The following RALGAPA2 variants were observed in gnomAD, a reference collection of about 807,000 sequenced individuals.
The protein encoded by RALGAPA2 is Ral GTPase activating protein catalytic subunit alpha 2.
Under a neutral mutation model 230.4 loss-of-function variants are expected in RALGAPA2, and 139 were observed. That is an observed-to-expected ratio of 0.60 (90% confidence interval 0.53 to 0.69). RALGAPA2 has a LOEUF of 0.69. Ranked by LOEUF, RALGAPA2 falls within the 30% of genes least tolerant of loss-of-function variation. The pLI is 0.00. For missense variants in RALGAPA2, 2,163 were observed against 2,276.0 expected (o/e 0.95, Z 1.01); for synonymous variants, 847 against 837.8 (o/e 1.01, Z -0.19).
intron 23 of RALGAPA2, among the ~76,000 whole-genome samples, chr20:20,551,004 C>T (rs979791803): frequency 2.6e-5 from 4 of 152,204 alleles, no homozygotes; most frequent in East Asian, 3.9e-4. Flanking sequence ...TTAGATCGCA[C>T]ATTACCCCAG....
At chr20:20,478,058 A>G (rs2061690436) in intron 36 of RALGAPA2, among the ~76,000 whole-genome samples, 2 of 152,260 alleles carry the variant, frequency 1.3e-5, no homozygotes, top group Admixed American at 1.3e-4. Context: ...TGGAAATTTT[A>G]CAATCCATAT....
intron 23 of RALGAPA2, among the ~76,000 whole-genome samples, chr20:20,547,920 T>C (rs1474756290): frequency 1.3e-5 from 2 of 152,172 alleles, no homozygotes; most frequent in Non-Finnish European, 2.9e-5. Flanking sequence ...TGTAGGCAAT[T>C]GTAACACAAT....
intron 23 of RALGAPA2, among the ~76,000 whole-genome samples, chr20:20,550,486 T>A (rs1396728839): frequency 6.6e-6 from 1 of 152,150 alleles, no homozygotes; most frequent in Admixed American, 6.6e-5. Context: ...TTCTCTCAAC[T>A]CCAGCTGGCC....
chr20:20,608,603 C>T (rs1280939163), intron 14 of RALGAPA2, among the ~76,000 whole-genome samples: 1 of 152,176 alleles, frequency 6.6e-6, no homozygotes, highest in Non-Finnish European at 1.5e-5. Flanking sequence ...AAAAAAAAAT[C>T]AAGTGTCTAG....
At chr20:20,709,011 G>A (rs1233142498) in intron 1 of RALGAPA2, among the ~76,000 whole-genome samples, 3 of 151,766 alleles carry the variant, frequency 2.0e-5, no homozygotes, top group Admixed American at 2.0e-4. Flanking sequence ...GCAAAACCCC[G>A]TCTTCTACAA....
At chr20:20,574,656 C>T (rs975420479) in intron 20 of RALGAPA2, among the ~76,000 whole-genome samples, 5 of 152,140 alleles carry the variant, frequency 3.3e-5, no homozygotes, top group African/African-American at 1.2e-4. Context: ...ATGTAATAAT[C>T]AACAGAGGCA....
At chr20:20,507,798 A>G (rs548207901) in intron 33 of RALGAPA2, among the ~76,000 whole-genome samples, 21 of 152,342 alleles carry the variant, frequency 1.4e-4, no homozygotes, top group African/African-American at 4.6e-4. Context: ...GCCTATTCCA[A>G]GAGCTATAAA....
intron 32 of RALGAPA2, among the ~76,000 whole-genome samples, chr20:20,512,215 A>C (rs1409742490): frequency 6.9e-6 from 1 of 145,822 alleles, no homozygotes; most frequent in East Asian, 2.0e-4. Context: ...CAACAACAAC[A>C]ACCCCCCCTA....
intron 3 of RALGAPA2, among the ~76,000 whole-genome samples, chr20:20,667,129 T>C (rs567693855): frequency 6.6e-6 from 1 of 152,272 alleles, no homozygotes; most frequent in East Asian, 1.9e-4. Flanking sequence ...GGATTGCATA[T>C]ACAAAACAAT....
At chr20:20,578,311 A>G (rs1257321950) in intron 20 of RALGAPA2, among the ~76,000 whole-genome samples, 3 of 152,170 alleles carry the variant, frequency 2.0e-5, no homozygotes, top group Non-Finnish European at 4.4e-5. Context: ...TGGGAATTTA[A>G]GAGACTTCAG....
intron 30 of RALGAPA2, among the ~76,000 whole-genome samples, chr20:20,523,246 A>G (rs183114756): frequency 6.6e-6 from 1 of 152,368 alleles, no homozygotes; most frequent in Admixed American, 6.5e-5. Context: ...GAAGGATATT[A>G]TAAGCAATCC....
intron 1 of RALGAPA2, among the ~76,000 whole-genome samples, chr20:20,688,988 A>C (rs2068802461): frequency 6.6e-6 from 1 of 152,332 alleles, no homozygotes; most frequent in African/African-American, 2.4e-5. Flanking sequence ...GTAAATAGTA[A>C]CATTTTCAAA....
In RALGAPA2 at chr20:20,437,168, A is replaced by C. The variant is rs10460650; in HGVS notation, c.5496-25020T>G. On this transcript the variant is annotated intron_variant, in intron 37 of 39. Transcript: ENST00000202677. This position sits in a 1 kb window ranked among gnomAD's most constrained non-coding sequence, Gnocchi z 4.1. ...TGTTGGCATTATTAATTCAAACAGA[A>C]GTTCACCTCCTGTAAATGGGGAAAT... Among the ~76,000 whole-genome samples the C allele has an allele frequency of 2.4e-3, 362 of 152,312 alleles. 1 individual carries two copies. The highest frequency in any genetic ancestry group is 8.2e-3 in the African/African-American group (341 of 41,574).
In RALGAPA2 at chr20:20,472,889, C is replaced by T. The variant is rs2061570794; in HGVS notation, c.5435G>A (p.Cys1812Tyr). Residue 1812 changes from cysteine to tyrosine, a missense_variant, in exon 37 of 40, where the codon TGT (cysteine) becomes TAT (tyrosine). Physicochemically the swap from Cys to Tyr is radical, Grantham distance 194. Transcript: ENST00000202677. The part of the protein sequence containing the change: ...VSGKLLPSLV[C>Y]ATCINASRAV... Reference sequence around the variant, plus strand: ...CCTGCTGGCGTTGATGCACGTGGCACATACAAGGCTTGGCAGCAGCTTCCC... The same window carrying T: ...CCTGCTGGCGTTGATGCACGTGGCATATACAAGGCTTGGCAGCAGCTTCCC... 2 of 1,613,662 alleles carry T rather than the reference C, an allele frequency of 1.2e-6. No homozygotes were observed. The highest frequency in any genetic ancestry group is 1.7e-5 in the Admixed American group (1 of 59,958).
At chr20:20,573,589 C>T (rs1295589580) in intron 20 of RALGAPA2, among the ~76,000 whole-genome samples, 1 of 152,054 alleles carries the variant, frequency 6.6e-6, no homozygotes, top group East Asian at 1.9e-4. Flanking sequence ...CCAAAAAGTG[C>T]CCCTTCATAA....
chr20:20,597,641 C>A (rs1158140152), intron 16 of RALGAPA2, among the ~76,000 whole-genome samples: 2 of 151,982 alleles, frequency 1.3e-5, no homozygotes, highest in East Asian at 1.9e-4. Flanking sequence ...GAGTTCAAGA[C>A]CTGCCTGGCC....
At chr20:20,488,774 C>G (rs1391804318) in intron 36 of RALGAPA2, among the ~76,000 whole-genome samples, 1 of 152,172 alleles carries the variant, frequency 6.6e-6, no homozygotes, top group African/African-American at 2.4e-5. Flanking sequence ...TCAGCTCAAC[C>G]ATTTATTTAC....
At chr20:20,551,236 T>C (rs1447045869) in intron 23 of RALGAPA2, among the ~76,000 whole-genome samples, 2 of 152,220 alleles carry the variant, frequency 1.3e-5, no homozygotes, top group African/African-American at 2.4e-5. Context: ...ACACGTTAAA[T>C]AGACTAAACC....
intron 23 of RALGAPA2, among the ~76,000 whole-genome samples, chr20:20,569,147 T>C (rs912938920): frequency 2.0e-5 from 3 of 152,196 alleles, no homozygotes; most frequent in South Asian, 2.1e-4. Flanking sequence ...ACCACTATGA[T>C]CTATTTAGAC....
Sources: allele counts gnomAD v4.1 joint callset (sites outside exome capture counted in the v4.1 genomes callset), GRCh38; gene constraint gnomAD v4.1.1; non-coding constraint Gnocchi (gnomAD v3.1); transcripts MANE v1.5; gene names NCBI Gene and HGNC (gene_info 2026-07-23, HGNC 2026-07-21).